Variants in KIF26B observed in about 807,000 individuals in gnomAD.
KIF26B encodes kinesin-like protein KIF26B.
KIF26B carries 63 observed loss-of-function variants against 151.2 expected under a neutral mutation model. The observed-to-expected ratio is 0.42, with a 90% CI of 0.34 to 0.51. The LOEUF is 0.51. Among genes scored for constraint, KIF26B ranks in the 20% least tolerant of loss-of-function variants. The pLI is 0.07. For missense variants in KIF26B, 2,813 were observed against 2,913.6 expected, an observed-to-expected ratio of 0.97 and a Z score of 0.79; for synonymous variants, 1,357 against 1,262.1, an observed-to-expected ratio of 1.08 and a Z score of -1.59.
chr1:245,220,205 T>C (rs1371038714), intron 2 of KIF26B, among the ~76,000 whole-genome samples: 1 of 152,194 alleles, frequency 6.6e-6, no homozygotes, highest in Non-Finnish European at 1.5e-5. Flanking sequence ...CCTTGAGACT[T>C]GTTTCCCCTT....
intron 2 of KIF26B, among the ~76,000 whole-genome samples, chr1:245,172,289 G>A (rs893285739): frequency 4.6e-5 from 7 of 152,142 alleles, no homozygotes; most frequent in Non-Finnish European, 8.8e-5. Context: ...GCATGGCTCC[G>A]GGCTGCTGGA....
chr1:245,581,436 A>C (rs1383271815), intron 5 of KIF26B, among the ~76,000 whole-genome samples: 1 of 150,086 alleles, frequency 6.7e-6, no homozygotes, highest in Non-Finnish European at 1.5e-5. Context: ...GAGAAATAGA[A>C]GATAGGTAGA....
At chr1:245,476,701 A>AT (rs925280878) in intron 4 of KIF26B, among the ~76,000 whole-genome samples, 6 of 151,252 alleles carry the variant, frequency 4.0e-5, no homozygotes, top group African/African-American at 1.5e-4. Context: ...ATGCCCAGCG[A>AT]TTTTTTGTAG....
chr1:245,688,280 C>T lies in KIF26B; in HGVS notation c.5297C>T (p.Ala1766Val), dbSNP rs754752948. Residue 1766 changes from alanine (A) to valine (V), a missense_variant, in exon 12 of 15, where the codon GCG becomes GTG. Ala to Val is a moderately conservative substitution (Grantham distance 64). Around this residue, in one of 3 missense-constraint regions of KIF26B, gnomAD observed 2,060 missense variants for 2,088.6 expected, o/e 0.99. Transcript: ENST00000407071. ...TTCTCCACCAAGTCCCTGCCGCAGG[C>T]GGTGGGCCAGGGCTCCAGCTCGCCC... ...LSFSTKSLPQ[A>V]VGQGSSSPPG... The T allele has an allele frequency of 5.5e-5, 88 of 1,596,012 alleles. No individual in the cohort carries two copies. The highest frequency in any genetic ancestry group is 6.5e-5 in the Non-Finnish European group (76 of 1,177,948).
chr1:245,425,049 A>G (rs1658589589), intron 4 of KIF26B, among the ~76,000 whole-genome samples: 1 of 150,544 alleles, frequency 6.6e-6, no homozygotes, highest in Admixed American at 6.6e-5. Context: ...GAACATCAAG[A>G]ACATTTCAAA....
intron 4 of KIF26B, among the ~76,000 whole-genome samples, chr1:245,451,105 A>T (rs1481702956): frequency 6.6e-6 from 1 of 151,146 alleles, no homozygotes; most frequent in African/African-American, 2.4e-5. Flanking sequence ...TTGCTACCTC[A>T]TTTATTTCTA....
In KIF26B at chr1:245,706,028, G is replaced by C. The variant is rs7539236; in HGVS notation, c.*3422G>C. ...GACAAAGGTGGGAACCCCTGAGCTG[G>C]AGAAGGGGCTCCTCTCATGAGAAGC... On this transcript the variant is annotated 3_prime_UTR_variant, in exon 15 of 15. Transcript: ENST00000407071. The C allele has an allele frequency of 1.1e-4, 16 of 152,214 alleles. No individual in the cohort carries two copies. The highest frequency in any genetic ancestry group is 2.9e-4 in the African/African-American group (12 of 41,462). The allele number at this position is 152,214 out of a possible 1,614,324, so 9.4% of individuals were successfully genotyped here.
intron 3 of KIF26B, among the ~76,000 whole-genome samples, chr1:245,378,094 A>G (rs952520706): frequency 6.6e-6 from 1 of 152,228 alleles, no homozygotes; most frequent in Non-Finnish European, 1.5e-5. Flanking sequence ...CTGAGAGTAG[A>G]TAAATTTAAG....
At chr1:245,544,987 A>G (rs1177873720) in intron 5 of KIF26B, among the ~76,000 whole-genome samples, 1 of 152,198 alleles carries the variant, frequency 6.6e-6, no homozygotes, top group Non-Finnish European at 1.5e-5. Flanking sequence ...TGGTGATGGA[A>G]GAAATGGAGG....
intron 4 of KIF26B, among the ~76,000 whole-genome samples, chr1:245,510,373 C>G (rs1660806207): frequency 6.6e-6 from 1 of 152,144 alleles, no homozygotes; most frequent in Non-Finnish European, 1.5e-5. Flanking sequence ...CTTGCAGAGT[C>G]ACAGACATAT....
At chr1:245,347,000 C>G (rs1672469350) in intron 2 of KIF26B, among the ~76,000 whole-genome samples, 1 of 152,340 alleles carries the variant, frequency 6.6e-6, no homozygotes, top group South Asian at 2.1e-4. Context: ...CTTCATCCCA[C>G]TCTCCTTGCA....
At position 245,271,551 on chromosome 1, in the gene KIF26B, A is replaced by G. The variant is rs1460637021; in HGVS notation, c.466-95283A>G. On this transcript the variant is annotated intron_variant, in intron 2 of 14. Coordinates refer to ENST00000407071, the MANE Select transcript of KIF26B (RefSeq NM_018012.4). The stretch of plus-strand genomic sequence containing the variant: ...TTTTTCCTGGTTTCTTGCAGTTCTT[A>G]TAATGAAAGGATGTTGAATTCAGTC... 2.0e-5 allele frequency among the ~76,000 whole-genome samples: 3 copies of G among 149,650 alleles called. No homozygotes were observed. The East Asian group carries it at 5.8e-4, about 29-fold the overall frequency.
intron 5 of KIF26B, among the ~76,000 whole-genome samples, chr1:245,545,313 G>T (rs1661720697): frequency 6.6e-6 from 1 of 152,088 alleles, no homozygotes; most frequent in Non-Finnish European, 1.5e-5. Context: ...TCTTGGCGAG[G>T]CTGGTCTCAA....
At chr1:245,435,900 G>A (rs189841572) in intron 4 of KIF26B, among the ~76,000 whole-genome samples, 61 of 152,216 alleles carry the variant, frequency 4.0e-4, no homozygotes, top group African/African-American at 6.7e-4. Flanking sequence ...GGAGTTGGCC[G>A]GACCCAGTGG....
At position 245,592,440 on chromosome 1, in the gene KIF26B, T is replaced by C. The variant is rs1430314571; in HGVS notation, c.1351-10137T>C. Among the ~76,000 whole-genome samples, 6 of 152,338 alleles carry C rather than the reference T, an allele frequency of 3.9e-5. No homozygotes were observed. In the South Asian group the frequency reaches 8.3e-4, roughly 21 times the overall value. Reference sequence around the variant, plus strand: ...CTCTGCAGCCTCAAAATAGGAAAGATGGTAATAATTATTATAATAATATCC... The same window carrying C: ...CTCTGCAGCCTCAAAATAGGAAAGACGGTAATAATTATTATAATAATATCC... On this transcript the variant is annotated intron_variant, in intron 5 of 14. Coordinates refer to ENST00000407071, the MANE Select transcript of KIF26B (RefSeq NM_018012.4).
rs546401097 is a variant in KIF26B, at chr1:245,283,049, A to C, written c.466-83785A>C. On this transcript the variant is annotated intron_variant, in intron 2 of 14. Coordinates refer to ENST00000407071, the MANE Select transcript of KIF26B (RefSeq NM_018012.4). ...ACACCTAATGGCCTGCAAATTCTAC[A>C]GCTACAATGGTGAGTCCAGCTGCTA... The C allele has an allele frequency of 4.4e-5, 9 of 205,530 alleles. No individual in the cohort carries two copies. In the Admixed American group the frequency reaches 5.0e-4, roughly 11 times the overall value. 12.7% of individuals were successfully genotyped at this position (205,530 alleles called of 1,614,324 possible). A position where few individuals can be genotyped will look rare whatever the true frequency, so the allele number is the denominator to read the frequency against.
chr1:245,377,720 C>A (rs1184448135), intron 3 of KIF26B, among the ~76,000 whole-genome samples: 1 of 152,152 alleles, frequency 6.6e-6, no homozygotes, highest in Non-Finnish European at 1.5e-5. Flanking sequence ...CGGGCTCTTT[C>A]CTTGCTGAAC....
chr1:245,357,204 C>T (rs894130178), intron 2 of KIF26B, among the ~76,000 whole-genome samples: 4 of 152,246 alleles, frequency 2.6e-5, no homozygotes, highest in South Asian at 2.1e-4. Context: ...GATTTTAAGC[C>T]GAGGACTGGC....
At chr1:245,675,255 A>T (rs898021321) in intron 10 of KIF26B, among the ~76,000 whole-genome samples, 5 of 152,162 alleles carry the variant, frequency 3.3e-5, no homozygotes, top group African/African-American at 1.2e-4. Flanking sequence ...CAGAGTTGTT[A>T]CTGTGGTTTC....
Sources: allele counts gnomAD v4.1 joint callset (sites outside exome capture counted in the v4.1 genomes callset), GRCh38; gene constraint gnomAD v4.1.1; regional missense constraint gnomAD v4.1.1; transcripts MANE v1.5; gene names NCBI Gene and HGNC (gene_info 2026-07-23, HGNC 2026-07-21).